The following CNOT1 variants were observed in gnomAD, a reference collection of about 807,000 sequenced individuals.
CNOT1 encodes the protein CCR4-associated factor 1.
CNOT1 carries 15 observed loss-of-function variants against 273.8 expected under a neutral mutation model. The observed-to-expected ratio is 0.05, with a 90% CI of 0.04 to 0.08. CNOT1 has a LOEUF of 0.08. CNOT1 is among the 10% of genes least tolerant of loss of function. CNOT1 has a pLI of 1.00. For synonymous variants in CNOT1, 1,022 were observed against 1,005.5 expected (o/e 1.02, Z -0.31); for missense variants, 1,644 against 2,912.2 (o/e 0.56, Z 10.02).
In CNOT1 at chr16:58,583,197, T is replaced by C; in HGVS notation, c.807-15A>G. On this transcript the variant is annotated splice_polypyrimidine_tract_variant and intron_variant, in intron 8 of 48. Coordinates refer to ENST00000317147, the MANE Select transcript of CNOT1 (RefSeq NM_016284.5). The stretch of plus-strand genomic sequence containing the variant: ...ATTCTTCAATACTGAAACAGAAATA[T>C]AACTTCAGAAAAATGCTACCAGCCT... 6.2e-7 allele frequency: 1 copy of C among 1,611,320 alleles called. No individual in the cohort carries two copies. The highest frequency in any genetic ancestry group is 8.5e-7 in the Non-Finnish European group (1 of 1,178,752).
In CNOT1 at chr16:58,525,960, T is replaced by C. The variant is rs201935361; in HGVS notation, c.6603+29A>G. ...TAGAAAGTGCTTTATATGGAAGACG[T>C]AGATGAGTTTTAAGCCAAACCAATT... is the stretch of plus-strand genomic sequence containing the variant. On this transcript the variant is annotated intron_variant, in intron 45 of 48. Coordinates refer to ENST00000317147, the MANE Select transcript of CNOT1 (RefSeq NM_016284.5). 2.4e-5 allele frequency: 39 copies of C among 1,605,256 alleles called. No homozygotes were observed. The Middle Eastern group carries it at 6.6e-4, about 27-fold the overall frequency.
At chr16:58,558,351 C>A in intron 18 of CNOT1, 122 bp downstream of exon 18, 1 of 1,499,040 alleles carries the variant, frequency 6.7e-7, no homozygotes, top group Admixed American at 2.2e-5. Flanking sequence ...ACTGAAGTAG[C>A]TTTCACAATT....
intron 1 of CNOT1, among the ~76,000 whole-genome samples, chr16:58,620,690 A>G (rs1597618689): frequency 7.0e-6 from 1 of 142,522 alleles, no homozygotes. Flanking sequence ...GGACAAAGAT[A>G]TATTTGGGTA....
chr16:58,588,950 C>T, intron 2 of CNOT1, 44 bp from the exon 3 acceptor site: 1 of 1,066,266 alleles, frequency 9.4e-7, no homozygotes, highest in Non-Finnish European at 1.3e-6. Context: ...GAAGATAAAA[C>T]AAAAAAAAAA....
chr16:58,541,507 G>A lies in CNOT1; in HGVS notation c.4794C>T (p.Pro1598=). The A allele has an allele frequency of 2.5e-6, 4 of 1,613,624 alleles. No homozygotes were observed. In the African/African-American group the frequency reaches 5.3e-5, roughly 22 times the overall value. ...TAATCTAAAACACATTTACCTTCAT[G>A]GGCTGGGCTAAAAATCCCGTGGGCT... is the stretch of plus-strand genomic sequence containing the variant. ...LSQPTGFLAQ[P]MKQAWATDDV... is the part of the protein sequence containing the mutation. The change falls in exon 34 of 49, where the codon CCC becomes CCT. Residue 1598 remains proline, a synonymous_variant. Coordinates refer to ENST00000317147, the MANE Select transcript of CNOT1 (RefSeq NM_016284.5).
intron 10 of CNOT1, 148 bp from the exon 11 acceptor site, chr16:58,581,663 T>C (rs2041660644): frequency 7.6e-7 from 1 of 1,320,746 alleles, no homozygotes; most frequent in Admixed American, 3.0e-5. Context: ...ATTCTTTTTT[T>C]TTCTTTTTTT....
At chr16:58,559,395 C>T (rs1286457739) in intron 17 of CNOT1, among the ~76,000 whole-genome samples, 2 of 152,116 alleles carry the variant, frequency 1.3e-5, no homozygotes, top group East Asian at 1.9e-4. Flanking sequence ...CACTTTAAAA[C>T]AATCAAGCTA....
chr16:58,580,942 A>T (rs1041637239), intron 11 of CNOT1, among the ~76,000 whole-genome samples, 182 bp from the exon 12 acceptor site: 1 of 152,218 alleles, frequency 6.6e-6, no homozygotes, highest in Admixed American at 6.5e-5. Flanking sequence ...TGCATAATGA[A>T]ACCCTGTCTG....
chr16:58,573,536 A>C (rs1408712690), intron 16 of CNOT1, among the ~76,000 whole-genome samples: 2 of 137,262 alleles, frequency 1.5e-5, no homozygotes, highest in African/African-American at 5.6e-5. Context: ...GCTGGAGTGC[A>C]GTGGCGAGAT....
chr16:58,566,850 T>G (rs1294525207), intron 16 of CNOT1, among the ~76,000 whole-genome samples: 1 of 152,134 alleles, frequency 6.6e-6, no homozygotes, highest in Non-Finnish European at 1.5e-5. Flanking sequence ...ATCAGGCTGG[T>G]CTTGAGCTCC....
At chr16:58,546,260 G>T in intron 29 of CNOT1, 61 bp downstream of exon 29, 2 of 1,399,432 alleles carry the variant, frequency 1.4e-6, no homozygotes, top group South Asian at 1.2e-5. Flanking sequence ...ACATGGACAA[G>T]TACCATTTAA....
chr16:58,614,879 GTACTTTTA>G (rs2043020902), intron 1 of CNOT1, among the ~76,000 whole-genome samples: 1 of 122,286 alleles, frequency 8.2e-6, no homozygotes, highest in African/African-American at 2.8e-5. Context: ...CTAATTTTTT[GTACTTTTA>G]TTAGAGACAG....
In CNOT1 at chr16:58,522,237, C is replaced by CAAAAA. The variant is rs56149974; in HGVS notation, c.6918-925_6918-921dup. ...AGGAGGCGACAAAGCGAGACTGTCT[C>CAAAAA]AAAAAAAAAAAAAAAAAAAAAAAAA... On this transcript the variant is annotated intron_variant, in intron 47 of 48. Coordinates refer to ENST00000317147, the MANE Select transcript of CNOT1 (RefSeq NM_016284.5). 2.4e-4 allele frequency among the ~76,000 whole-genome samples: 24 copies of CAAAAA among 98,588 alleles called. 1 individual carries two copies. The highest frequency in any genetic ancestry group is 1.0e-3 in the East Asian group (4 of 3,992). 64.7% of individuals were successfully genotyped at this position (98,588 alleles called of 152,430 possible).
At chr16:58,563,544 T>C (rs186365455) in intron 16 of CNOT1, among the ~76,000 whole-genome samples, 32 of 152,324 alleles carry the variant, frequency 2.1e-4, no homozygotes, top group Non-Finnish European at 3.1e-4. Flanking sequence ...TAGAAACAAG[T>C]AGAACATTAG....
intron 18 of CNOT1, among the ~76,000 whole-genome samples, 164 bp from the exon 19 acceptor site, chr16:58,557,157 T>G (rs1483165057): frequency 6.6e-6 from 1 of 152,226 alleles, no homozygotes; most frequent in Non-Finnish European, 1.5e-5. Flanking sequence ...CTATTCAATT[T>G]TACAGAGCCT....
intron 1 of CNOT1, among the ~76,000 whole-genome samples, chr16:58,616,304 C>T (rs1389017551): frequency 1.1e-5 from 1 of 91,774 alleles, no homozygotes; most frequent in South Asian, 2.9e-4. Context: ...CAGGGTTTCA[C>T]CATCTTGGCC....
rs534023812 is a variant in CNOT1, at chr16:58,586,760, G to A, written c.434-12C>T. Reference sequence around the variant, plus strand: ...GATAAACTGGGCAGCTAGAAGTCAGGTAAACCAAAAACCGCAAGTTACTTT... The same window carrying A: ...GATAAACTGGGCAGCTAGAAGTCAGATAAACCAAAAACCGCAAGTTACTTT... On this transcript the variant is annotated splice_polypyrimidine_tract_variant and intron_variant, in intron 6 of 48. Transcript: ENST00000317147. 6 of 1,610,676 alleles carry A rather than the reference G, an allele frequency of 3.7e-6. No individual in the cohort carries two copies. The highest frequency in any genetic ancestry group is 4.5e-5 in the East Asian group (2 of 44,838).
intron 14 of CNOT1, among the ~76,000 whole-genome samples, chr16:58,576,166 A>G (rs942899578): frequency 6.6e-6 from 1 of 151,122 alleles, no homozygotes; most frequent in African/African-American, 2.4e-5. Context: ...GCTGGAGTGC[A>G]GTGGCACAAT....
Position 58,578,874 on chromosome 16 carries a change from T to C in CNOT1, c.1409A>G (p.Lys470Arg), listed in dbSNP as rs779377600. The stretch of plus-strand genomic sequence containing the variant: ...TTTGATAGGGAAGCTGAAGAGCTGT[T>C]TGACTTGCTCATACTGCCCAACCTC... The part of the protein sequence containing the change: ...LAEVGQYEQV[K>R]QLFSFPIKHC... Residue 470 changes from lysine (K) to arginine (R), a missense_variant, in exon 13 of 49, where the codon AAA (lysine) becomes AGA (arginine). Around this residue, in one of 13 missense-constraint regions of CNOT1, gnomAD observed 706 missense variants for 1,021.2 expected, o/e 0.69. Transcript: ENST00000317147. 3 of 1,614,076 alleles carry C rather than the reference T, an allele frequency of 1.9e-6. No homozygotes were observed. Among genetic ancestry groups the C allele is most frequent in the Non-Finnish European group, 2.5e-6 (3 of 1,180,042 alleles).
Sources: gnomAD v4.1 joint callset for allele counts (sites outside exome capture counted in the v4.1 genomes callset) on GRCh38, gnomAD v4.1.1 for gene constraint, gnomAD v4.1.1 regional missense constraint, MANE v1.5 for transcripts, NCBI Gene and HGNC (gene_info 2026-07-23, HGNC 2026-07-21) for gene names.